Variants in GRM1 observed in about 807,000 individuals in gnomAD.
The protein encoded by GRM1 is glutamate metabotropic receptor 1.
GRM1 carries 33 observed loss-of-function variants against 90.9 expected under a neutral mutation model. The observed-to-expected ratio is 0.36, with a 90% CI of 0.28 to 0.49. The LOEUF (loss-of-function observed/expected upper bound fraction) is 0.49, where lower values mean the gene tolerates loss of function less well. GRM1 is among the 20% of genes least tolerant of loss of function. GRM1 has a pLI of 0.99. For synonymous variants in GRM1, 700 were observed against 613.2 expected (o/e 1.14, Z -2.09); for missense variants, 1,190 against 1,534.3 (o/e 0.78, Z 3.75).
chr6:146,135,490 G>A (rs535144820), intron 1 of GRM1, among the ~76,000 whole-genome samples: 1 of 152,318 alleles, frequency 6.6e-6, no homozygotes, highest in East Asian at 1.9e-4. Flanking sequence ...TAGACTTACA[G>A]ACACATAGTA....
chr6:146,279,274 A>G (rs565245892), intron 2 of GRM1, among the ~76,000 whole-genome samples: 1 of 152,228 alleles, frequency 6.6e-6, no homozygotes, highest in East Asian at 1.9e-4. Context: ...AGGTTTATAA[A>G]TGCTGCTAAT....
At chr6:146,378,648 C>T (rs1180073570) in intron 5 of GRM1, among the ~76,000 whole-genome samples, 3 of 152,130 alleles carry the variant, frequency 2.0e-5, no homozygotes, top group African/African-American at 7.2e-5. Context: ...AACTAATTTG[C>T]TTTTGATTTT....
intron 7 of GRM1, among the ~76,000 whole-genome samples, chr6:146,411,077 C>G (rs1777549954): frequency 6.6e-6 from 1 of 152,146 alleles, no homozygotes; most frequent in South Asian, 2.1e-4. Context: ...GATCTGGCTC[C>G]TGACTTTGTG....
intron 2 of GRM1, among the ~76,000 whole-genome samples, chr6:146,199,077 C>T (rs560428832): frequency 6.6e-6 from 1 of 152,282 alleles, no homozygotes; most frequent in East Asian, 1.9e-4. Flanking sequence ...TGACTCCTCT[C>T]CTAGACCAGG....
At chr6:146,310,525 A>T (rs1448002377) in intron 3 of GRM1, among the ~76,000 whole-genome samples, 3 of 152,220 alleles carry the variant, frequency 2.0e-5, no homozygotes, top group Non-Finnish European at 4.4e-5. Flanking sequence ...GGAAGACATT[A>T]CATTTCTTCA....
intron 3 of GRM1, among the ~76,000 whole-genome samples, chr6:146,342,860 A>G (rs1214187157): frequency 2.0e-5 from 3 of 152,238 alleles, no homozygotes; most frequent in Admixed American, 2.0e-4. Flanking sequence ...TCCCACATCT[A>G]GCTTTCTCTA....
intron 2 of GRM1, among the ~76,000 whole-genome samples, chr6:146,208,468 TACAG>T (rs1471793001): frequency 6.6e-6 from 1 of 152,190 alleles, no homozygotes; most frequent in African/African-American, 2.4e-5. Context: ...TGGTTATTCA[TACAG>T]ACAAAGTGTT....
At chr6:146,261,544 T>A (rs1178040065) in intron 2 of GRM1, among the ~76,000 whole-genome samples, 1 of 152,170 alleles carries the variant, frequency 6.6e-6, no homozygotes, top group East Asian at 1.9e-4. Context: ...CCATTGTCAA[T>A]CTTGGATAAA....
intron 2 of GRM1, among the ~76,000 whole-genome samples, chr6:146,168,540 T>G (rs890333710): frequency 6.6e-6 from 1 of 152,070 alleles, no homozygotes. Context: ...AAAAACTATT[T>G]ATGACCTTCT....
intron 2 of GRM1, among the ~76,000 whole-genome samples, chr6:146,269,246 A>C (rs1311566324): frequency 6.6e-6 from 1 of 152,226 alleles, no homozygotes; most frequent in East Asian, 1.9e-4. Flanking sequence ...GCATTCTTAC[A>C]GGGAGCATCA....
intron 2 of GRM1, among the ~76,000 whole-genome samples, chr6:146,266,643 C>A (rs1781897552): frequency 6.6e-6 from 1 of 152,214 alleles, no homozygotes; most frequent in Admixed American, 6.5e-5. Flanking sequence ...CCTATAAATT[C>A]TTATCCAATT....
chr6:146,074,166 A>G (rs1776106942), intron 1 of GRM1, among the ~76,000 whole-genome samples: 1 of 152,054 alleles, frequency 6.6e-6, no homozygotes, highest in African/African-American at 2.4e-5. Flanking sequence ...CCAAATGTTG[A>G]TGGATGAGAG....
At chr6:146,384,629 C>G (rs1776434999) in intron 5 of GRM1, among the ~76,000 whole-genome samples, 1 of 151,952 alleles carries the variant, frequency 6.6e-6, no homozygotes, top group Non-Finnish European at 1.5e-5. Flanking sequence ...GCAGATTTGA[C>G]CAAGTGGCAA....
chr6:146,179,110 G>A (rs535101286), intron 2 of GRM1, among the ~76,000 whole-genome samples: 1 of 152,202 alleles, frequency 6.6e-6, no homozygotes, highest in South Asian at 2.1e-4. Context: ...AACCACTGGC[G>A]AATCTCAAAT....
chr6:146,279,341 C>G (rs1782487486), intron 2 of GRM1, among the ~76,000 whole-genome samples: 1 of 152,058 alleles, frequency 6.6e-6, no homozygotes, highest in African/African-American at 2.4e-5. Flanking sequence ...ATTACATACT[C>G]TCTTTTTTTA....
chr6:146,417,966 C>G (rs1438304335), intron 7 of GRM1, among the ~76,000 whole-genome samples: 2 of 151,798 alleles, frequency 1.3e-5, no homozygotes, highest in African/African-American at 4.8e-5. Flanking sequence ...CTTTTTTTTC[C>G]TCCTAATTTT....
chr6:146,235,145 C>G (rs1371823161), intron 2 of GRM1, among the ~76,000 whole-genome samples: 1 of 152,108 alleles, frequency 6.6e-6, no homozygotes, highest in African/African-American at 2.4e-5. Context: ...CTCTCTTTCT[C>G]TCATTCTTTA....
chr6:146,114,481 A>G (rs1159476108), intron 1 of GRM1, among the ~76,000 whole-genome samples: 3 of 152,182 alleles, frequency 2.0e-5, no homozygotes, highest in Non-Finnish European at 4.4e-5. Context: ...GTTACGTGCA[A>G]TTGCAAAACC....
chr6:146,330,519 A>G (rs1289829383), intron 3 of GRM1, among the ~76,000 whole-genome samples: 1 of 152,106 alleles, frequency 6.6e-6, no homozygotes, highest in Non-Finnish European at 1.5e-5. Context: ...TTTTTGATCC[A>G]GTCTTGTAAT....
Sources: allele counts gnomAD v4.1 joint callset (sites outside exome capture counted in the v4.1 genomes callset), GRCh38; gene constraint gnomAD v4.1.1; transcripts MANE v1.5; gene names NCBI Gene and HGNC (gene_info 2026-07-23, HGNC 2026-07-21).